The following NT5DC4 variants were observed in gnomAD, a reference collection of about 807,000 sequenced individuals.
NT5DC4 encodes 5'-nucleotidase domain containing 4, also known as 5'-nucleotidase domain-containing protein 4.
A neutral mutation model predicts 26.6 loss-of-function variants in NT5DC4; 44 were observed. The ratio of observed to expected loss-of-function variants is 1.65; its 90% CI spans 1.30 to 2.13. The LOEUF (loss-of-function observed/expected upper bound fraction) is 2.13, where lower values mean the gene tolerates loss of function less well. NT5DC4 is among the 30% of genes most tolerant of loss of function. The pLI is 0.00. For synonymous variants in NT5DC4, 157 were observed against 86.7 expected, an observed-to-expected ratio of 1.81 and a Z score of -4.51; for missense variants, 399 against 228.1, an observed-to-expected ratio of 1.75 and a Z score of -4.83.
At chr2:112,726,545 C>T in intron 14 of NT5DC4, 133 bp from the exon 15 acceptor site, 5 of 692,438 alleles carry the variant, frequency 7.2e-6, no homozygotes, top group Non-Finnish European at 1.3e-5. Context: ...CGCATGCACA[C>T]ACCCAGCCCG....
intron 16 of NT5DC4, chr2:112,738,438 C>T (rs1679538080): frequency 5.4e-6 from 1 of 185,378 alleles, no homozygotes; most frequent in Non-Finnish European, 1.1e-5. Flanking sequence ...AGATCTTCCA[C>T]GATGAAAGAA....
intron 16 of NT5DC4, among the ~76,000 whole-genome samples, chr2:112,735,070 GT>G (rs1291270872): frequency 1.7e-5 from 2 of 117,920 alleles, no homozygotes; most frequent in Non-Finnish European, 3.3e-5. Flanking sequence ...TTGAGACTGA[GT>G]CTTGCTCTGT....
intron 16 of NT5DC4, among the ~76,000 whole-genome samples, chr2:112,730,513 A>G (rs1000209677): frequency 6.6e-6 from 1 of 151,982 alleles, no homozygotes; most frequent in Non-Finnish European, 1.5e-5. Flanking sequence ...TGTTAACATT[A>G]ATGACTAGTG....
Position 112,723,528 on chromosome 2 carries a change from G to A in NT5DC4, c.672+60G>A, listed in dbSNP as rs139293614. On this transcript the variant is annotated intron_variant, in intron 8 of 16. Coordinates refer to ENST00000688554, the MANE Select transcript of NT5DC4 (RefSeq NM_001393655.1). The stretch of plus-strand genomic sequence containing the variant: ...CCCCCAAAGCAGCAGGGCTGCCCCC[G>A]CAACCCTTCTCTGGCTTTCTTCGAG... The A allele has an allele frequency of 4.9e-3, 3,474 of 710,948 alleles. 59 individuals are homozygous for A. The highest frequency in any genetic ancestry group is 0.036 in the Middle Eastern group (149 of 4,086). 44.0% of individuals were successfully genotyped at this position (710,948 alleles called of 1,614,324 possible).
Position 112,732,463 on chromosome 2 carries a change from T to C in NT5DC4, c.1344+2759T>C, listed in dbSNP as rs573731794. ...ATCCCAGGTCTCACTGGCCTGTGTC[T>C]TTACAGGGGCAGGTTCTCCAGTAAA... On this transcript the variant is annotated intron_variant, in intron 16 of 16. Transcript: ENST00000688554. Among the ~76,000 whole-genome samples, 57 of 151,280 alleles carry C rather than the reference T, an allele frequency of 3.8e-4. 1 individual carries two copies. In the East Asian group the frequency reaches 0.01, roughly 27 times the overall value.
chr2:112,721,402 A>G (rs1032710294), intron 1 of NT5DC4: 2 of 701,596 alleles, frequency 2.9e-6, no homozygotes, highest in African/African-American at 3.5e-5. Context: ...TTCACCACGG[A>G]CACAGTGACA....
intron 4 of NT5DC4, 60 bp downstream of exon 4, chr2:112,722,338 G>A (rs558391844): frequency 1.5e-4 from 109 of 715,630 alleles, no homozygotes; most frequent in Middle Eastern, 1.2e-3. Context: ...CTCACCTTGG[G>A]GGAGGACAGA....
chr2:112,726,182 G>A, intron 13 of NT5DC4, 56 bp from the exon 14 acceptor site: 1 of 716,378 alleles, frequency 1.4e-6, no homozygotes, highest in South Asian at 1.5e-5. Flanking sequence ...GGCAGGCAGG[G>A]CCAGTGGGTG....
intron 1 of NT5DC4, chr2:112,721,441 A>T: frequency 2.8e-6 from 2 of 717,254 alleles, no homozygotes; most frequent in Admixed American, 2.0e-5. Context: ...CAAACACATC[A>T]TCTCTGAATT....
At chr2:112,737,820 A>G (rs1679423815) in intron 16 of NT5DC4, 1 of 152,204 alleles carries the variant, frequency 6.6e-6, no homozygotes, top group African/African-American at 2.4e-5. Context: ...CTAATTCTCT[A>G]TGCAAAGCCA....
upstream of NT5DC4, among the ~76,000 whole-genome samples, chr2:112,720,947 G>A (rs1278828503): frequency 6.6e-6 from 1 of 152,212 alleles, no homozygotes; most frequent in Non-Finnish European, 1.5e-5. Flanking sequence ...CGGGGGAGAT[G>A]GGAGCACAGG....
downstream of NT5DC4, chr2:112,741,082 A>C: frequency 1.1e-6 from 1 of 926,038 alleles, no homozygotes; most frequent in Non-Finnish European, 1.7e-6. Flanking sequence ...TAACATGAAA[A>C]ATACATACAT....
intron 16 of NT5DC4, chr2:112,738,555 T>C (rs1374877583): frequency 1.9e-5 from 8 of 426,720 alleles, no homozygotes; most frequent in Non-Finnish European, 3.4e-5. Context: ...CAATAAAGTA[T>C]AAATATTTAT....
At chr2:112,729,302 T>A (rs12463996) in intron 15 of NT5DC4, among the ~76,000 whole-genome samples, 57,095 of 152,118 alleles carry the variant, frequency 0.38, 12,847 homozygotes, top group East Asian at 0.69. Flanking sequence ...TTTATGTTTT[T>A]ATAGAGACAG....
At chr2:112,723,695 C>G (rs532407611) in intron 8 of NT5DC4, 24 bp from the exon 9 acceptor site, 493 of 715,650 alleles carry the variant, frequency 6.9e-4, no homozygotes, top group South Asian at 1.5e-3. Flanking sequence ...CCCACCCCTG[C>G]AAGTCCCTCT....
At position 112,723,148 on chromosome 2, in the gene NT5DC4, G is replaced by T. The variant is rs1364275492; in HGVS notation, c.595G>T (p.Asp199Tyr). ...CCGAAGCCTCTTCCAGGATGTGACT[G>T]ATGCCATGAATAACATCCACCAGTC... ...SFRSLFQDVT[D>Y]AMNNIHQSGC... Residue 199 changes from aspartate to tyrosine, a missense_variant, in exon 7 of 17, where the codon GAT becomes TAT. Transcript: ENST00000688554. The T allele has an allele frequency of 1.4e-6, 1 of 717,254 alleles. No individual in the cohort carries two copies. Among genetic ancestry groups the T allele is most frequent in the African/African-American group, 1.7e-5 (1 of 57,248 alleles). The allele number at this position is 717,254 out of a possible 1,614,324, so 44.4% of individuals were successfully genotyped here. A position where few individuals can be genotyped will look rare whatever the true frequency, so the allele number is the denominator to read the frequency against.
In NT5DC4 at chr2:112,729,381, C is replaced by A. The variant is rs528297648; in HGVS notation, c.1267-246C>A. On this transcript the variant is annotated intron_variant, in intron 15 of 16. Coordinates refer to ENST00000688554, the MANE Select transcript of NT5DC4 (RefSeq NM_001393655.1). ...AAGTGATCCGCCTGCCTCGGCCTCC[C>A]AAAGTGCTGGGATTACAGGCGTGAG... 1.6e-3 allele frequency among the ~76,000 whole-genome samples: 244 copies of A among 152,360 alleles called. 3 individuals carry two copies. The highest frequency in any genetic ancestry group is 0.015 in the Admixed American group (235 of 15,302).
At chr2:112,740,848 C>T, downstream of NT5DC4, 4 of 1,611,792 alleles carry the variant, frequency 2.5e-6, no homozygotes, top group Non-Finnish European at 2.5e-6. Context: ...TAATTTGATA[C>T]CAGGATAATT....
intron 1 of NT5DC4, chr2:112,721,494 C>T: frequency 2.8e-6 from 2 of 717,918 alleles, no homozygotes; most frequent in Middle Eastern, 2.3e-4. Flanking sequence ...ACCCTCACAC[C>T]AACAACTGCA....
Sources: gnomAD v4.1 joint callset for allele counts (sites outside exome capture counted in the v4.1 genomes callset) on GRCh38, gnomAD v4.1.1 for gene constraint, MANE v1.5 for transcripts, NCBI Gene and HGNC (gene_info 2026-07-23, HGNC 2026-07-21) for gene names.